LINGO2: variants seen among roughly 807,000 people sequenced by gnomAD.
LINGO2 encodes leucine rich repeat and Ig domain containing 2, also known as leucine-rich repeat and immunoglobulin-like domain-containing nogo receptor-interacting protein 2.
In LINGO2, 14 loss-of-function variants were observed where a neutral mutation model predicts 30.6. That is an observed-to-expected ratio of 0.46 (90% CI 0.30 to 0.72). The LOEUF is 0.72. LINGO2 is among the 30% of genes least tolerant of loss of function. The pLI, the probability that LINGO2 is intolerant of heterozygous loss-of-function variation, is 0.07. For missense variants in LINGO2, 729 were observed against 751.7 expected, an observed-to-expected ratio of 0.97 and a Z score of 0.35; for synonymous variants, 317 against 288.5, an observed-to-expected ratio of 1.10 and a Z score of -1.00.
intron 4 of LINGO2, among the ~76,000 whole-genome samples, chr9:28,293,656 T>C (rs1431821319): frequency 6.6e-6 from 1 of 152,156 alleles, no homozygotes; most frequent in Non-Finnish European, 1.5e-5. Flanking sequence ...GTCTGCTGGT[T>C]GTAGTACTAA....
intron 1 of LINGO2, among the ~76,000 whole-genome samples, chr9:28,577,994 A>G (rs1399127231): frequency 1.3e-5 from 2 of 152,138 alleles, no homozygotes; most frequent in East Asian, 3.9e-4. Flanking sequence ...CTCTCTTCTG[A>G]TGATGGAGAA....
the LINGO2 span, among the ~76,000 whole-genome samples, chr9:28,954,454 G>C: frequency 3.0e-4 from 46 of 152,064 alleles, no homozygotes; most frequent in African/African-American, 1.1e-3. Context: ...AAAGGACACT[G>C]TTAAGTGACC....
intron 3 of LINGO2, among the ~76,000 whole-genome samples, chr9:28,335,632 T>C (rs560580738): frequency 6.6e-6 from 1 of 152,258 alleles, no homozygotes; most frequent in East Asian, 1.9e-4. Flanking sequence ...CTGAGGACTT[T>C]TTTAAGATTA....
chr9:28,380,574 G>A lies in LINGO2; in HGVS notation c.-278-7706C>T, dbSNP rs531470266. Among the ~76,000 whole-genome samples the A allele has an allele frequency of 2.6e-5, 4 of 152,052 alleles. No homozygotes were observed. In the South Asian group the frequency reaches 8.3e-4, roughly 32 times the overall value. ...ACAAGTTGAATAAACATGTAGGGTA[G>A]GAGTGAGGAAGTACAGTATAGATGT... is the stretch of plus-strand genomic sequence containing the variant. On this transcript the variant is annotated intron_variant, in intron 2 of 5. Transcript: ENST00000379992.
chr9:28,193,436 T>C (rs1194671733), intron 4 of LINGO2, among the ~76,000 whole-genome samples: 5 of 152,134 alleles, frequency 3.3e-5, no homozygotes, highest in Non-Finnish European at 7.4e-5. Flanking sequence ...AATTAAGCAC[T>C]AAGTATAAAT....
At chr9:28,921,373 G>A in the LINGO2 span, among the ~76,000 whole-genome samples, 1 of 151,818 alleles carries the variant, frequency 6.6e-6, no homozygotes, top group African/African-American at 2.4e-5. Context: ...AGGCAATAAT[G>A]AGTTTCGTAG....
At chr9:28,474,663 T>C (rs983387143) in intron 2 of LINGO2, among the ~76,000 whole-genome samples, 1 of 152,232 alleles carries the variant, frequency 6.6e-6, no homozygotes, top group South Asian at 2.1e-4. Flanking sequence ...GGTTTGTTAC[T>C]GTGTGTTCAG....
chr9:29,165,887 G>C, the LINGO2 span, among the ~76,000 whole-genome samples: 1 of 151,990 alleles, frequency 6.6e-6, no homozygotes, highest in Non-Finnish European at 1.5e-5. Context: ...ATCCATCAAG[G>C]TTCATTTTAT....
chr9:28,430,109 C>CACGCGCGTGTGT (rs1554720107), intron 2 of LINGO2, among the ~76,000 whole-genome samples: 3 of 136,100 alleles, frequency 2.2e-5, no homozygotes, highest in Non-Finnish European at 3.3e-5. Context: ...CGCGCGCGCG[C>CACGCGCGTGTGT]GTGTGTGTGT....
chr9:28,338,940 C>A (rs1164589700), intron 3 of LINGO2, among the ~76,000 whole-genome samples: 1 of 152,012 alleles, frequency 6.6e-6, no homozygotes, highest in Non-Finnish European at 1.5e-5. Flanking sequence ...AATTAACAAA[C>A]AAACAAACAA....
intron 4 of LINGO2, among the ~76,000 whole-genome samples, chr9:28,253,977 G>A (rs982624324): frequency 2.0e-5 from 3 of 151,980 alleles, no homozygotes; most frequent in Non-Finnish European, 4.4e-5. Context: ...CGTACTAGTC[G>A]GACTCTTGTT....
the LINGO2 span, among the ~76,000 whole-genome samples, chr9:28,891,586 T>A: frequency 6.6e-6 from 1 of 151,868 alleles, no homozygotes; most frequent in Non-Finnish European, 1.5e-5. Flanking sequence ...TTGGGGTGAG[T>A]ATAGATGCTA....
the LINGO2 span, among the ~76,000 whole-genome samples, chr9:29,098,220 A>G: frequency 6.6e-6 from 1 of 152,170 alleles, no homozygotes; most frequent in Non-Finnish European, 1.5e-5. Flanking sequence ...TTGAGCATCT[A>G]ACTGGCACTG....
intron 5 of LINGO2, among the ~76,000 whole-genome samples, chr9:27,969,701 A>AAAAC (rs150464767): frequency 5.3e-4 from 80 of 152,080 alleles, no homozygotes; most frequent in East Asian, 1.2e-3. Flanking sequence ...TTACTCTAGT[A>AAAAC]AAACAAACAA....
At chr9:28,198,912 T>C (rs1820114611) in intron 4 of LINGO2, among the ~76,000 whole-genome samples, 1 of 152,198 alleles carries the variant, frequency 6.6e-6, no homozygotes, top group Admixed American at 6.5e-5. Context: ...TGACAAGTGC[T>C]CTGGCTTGTC....
At chr9:28,680,425 G>A in the LINGO2 span, among the ~76,000 whole-genome samples, 1 of 152,066 alleles carries the variant, frequency 6.6e-6, no homozygotes, top group African/African-American at 2.4e-5. Flanking sequence ...ATAAACATGA[G>A]ATGCAGGCAT....
chr9:27,989,297 T>C (rs1821273450), intron 5 of LINGO2, among the ~76,000 whole-genome samples: 1 of 151,958 alleles, frequency 6.6e-6, no homozygotes, highest in Non-Finnish European at 1.5e-5. Context: ...TACTGTATGC[T>C]GATTTGTTCA....
intron 3 of LINGO2, among the ~76,000 whole-genome samples, chr9:28,315,326 C>G (rs990907525): frequency 1.3e-5 from 2 of 151,758 alleles, no homozygotes; most frequent in Non-Finnish European, 2.9e-5. Flanking sequence ...ATTTCTTAAC[C>G]CGGAGGCACA....
At chr9:28,510,922 C>T (rs1419921789) in intron 1 of LINGO2, among the ~76,000 whole-genome samples, 20 of 152,062 alleles carry the variant, frequency 1.3e-4, no homozygotes, top group Non-Finnish European at 8.8e-5. Flanking sequence ...TGTTCGAAGG[C>T]AGGAAGCATC....
Sources: allele counts gnomAD v4.1 joint callset (sites outside exome capture counted in the v4.1 genomes callset), GRCh38; gene constraint gnomAD v4.1.1; transcripts MANE v1.5; gene names NCBI Gene and HGNC (gene_info 2026-07-23, HGNC 2026-07-21).